The following AHRR variants were observed in gnomAD, a reference collection of about 807,000 sequenced individuals.
The protein encoded by AHRR is aryl hydrocarbon receptor repressor.
A neutral mutation model predicts 44.0 loss-of-function variants in AHRR; 28 were observed. The observed-to-expected ratio is 0.64, with a 90% CI of 0.47 to 0.87. The LOEUF is 0.87. AHRR is among the 40% of genes least tolerant of loss of function. AHRR has a pLI of 0.00. For missense variants in AHRR, 990 were observed against 953.9 expected (o/e 1.04, Z -0.50); for synonymous variants, 434 against 407.0 (o/e 1.07, Z -0.80).
chr5:433,723 G>A, intron 10 of AHRR, 130 bp from the exon 11 acceptor site: 2 of 1,099,440 alleles, frequency 1.8e-6, no homozygotes, highest in Non-Finnish European at 2.4e-6. Flanking sequence ...CGCAGTGAGG[G>A]GTCGGTGTAG....
At chr5:335,728 C>T (rs545984773) in intron 1 of AHRR, among the ~76,000 whole-genome samples, 1 of 152,340 alleles carries the variant, frequency 6.6e-6, no homozygotes, top group Non-Finnish European at 1.5e-5. Flanking sequence ...TGCCCCAATC[C>T]CCATGTGGCA....
At chr5:359,429 G>T (rs1271035851) in intron 3 of AHRR, among the ~76,000 whole-genome samples, 1 of 152,110 alleles carries the variant, frequency 6.6e-6, no homozygotes, top group Non-Finnish European at 1.5e-5. Flanking sequence ...CCCAGGCCTG[G>T]CATGTGGCTG....
intron 3 of AHRR, among the ~76,000 whole-genome samples, chr5:361,006 C>T (rs561252567): frequency 7.2e-5 from 11 of 152,318 alleles, no homozygotes; most frequent in Admixed American, 1.3e-4. Flanking sequence ...AATACCAGCA[C>T]TTTGGGAGGC....
intron 1 of AHRR, among the ~76,000 whole-genome samples, chr5:336,222 C>G (rs1014027245): frequency 6.6e-6 from 1 of 152,156 alleles, no homozygotes; most frequent in Non-Finnish European, 1.5e-5. Context: ...AAGTGGACTG[C>G]GGGAAGACCC....
At chr5:355,704 C>T (rs1743014799) in intron 3 of AHRR, among the ~76,000 whole-genome samples, 1 of 152,218 alleles carries the variant, frequency 6.6e-6, no homozygotes, top group Admixed American at 6.5e-5. Flanking sequence ...TGCTGCCTGC[C>T]CCAAGCCGGG....
At chr5:345,471 C>T (rs1447514853) in intron 2 of AHRR, among the ~76,000 whole-genome samples, 15 of 94,860 alleles carry the variant, frequency 1.6e-4, no homozygotes, top group African/African-American at 4.7e-4. Context: ...GGATGATGTC[C>T]CTGGCTGTGT....
intron 5 of AHRR, chr5:420,830 C>CACCCACGCAGCACGCACAG (rs1290353875): frequency 7.2e-6 from 2 of 277,536 alleles, no homozygotes; most frequent in Admixed American, 9.9e-5. Context: ...CGCAGCCACC[C>CACCCACGCAGCACGCACAG]ACCCACGCAG....
intron 4 of AHRR, among the ~76,000 whole-genome samples, chr5:386,507 G>C (rs544855670): frequency 5.3e-5 from 8 of 152,278 alleles, no homozygotes; most frequent in Non-Finnish European, 8.8e-5. Flanking sequence ...AGAAGGGTCA[G>C]AGTGATGCTG....
intron 7 of AHRR, chr5:427,486 G>A: frequency 1.1e-6 from 1 of 908,054 alleles, no homozygotes; most frequent in East Asian, 2.5e-5. Flanking sequence ...GGTCCCACAG[G>A]CGCAGTTCGT....
chr5:423,188 G>A (rs1008540543), intron 6 of AHRR, among the ~76,000 whole-genome samples: 62 of 152,240 alleles, frequency 4.1e-4, no homozygotes, highest in African/African-American at 1.4e-3. Context: ...CAAGTCTCAC[G>A]TCTGCCAGGA....
intron 4 of AHRR, among the ~76,000 whole-genome samples, chr5:378,829 C>G (rs956170721): frequency 6.6e-6 from 1 of 152,208 alleles, no homozygotes. Context: ...ACGGATGTGG[C>G]CTGTCTCGGG....
chr5:415,596 C>T (rs868399527), intron 5 of AHRR, among the ~76,000 whole-genome samples: 16 of 128,278 alleles, frequency 1.2e-4, no homozygotes, highest in African/African-American at 4.1e-4. Flanking sequence ...GCCTAGGGGC[C>T]GAATCTGCCT....
chr5:324,994 C>A (rs966401498), intron 1 of AHRR, among the ~76,000 whole-genome samples: 2 of 152,172 alleles, frequency 1.3e-5, no homozygotes, highest in Non-Finnish European at 2.9e-5. Context: ...CTGGAGACAC[C>A]TGGGAGAACG....
intron 4 of AHRR, among the ~76,000 whole-genome samples, chr5:397,610 C>CCACGTAGCTT (rs1734789420): frequency 9.9e-5 from 7 of 70,838 alleles, no homozygotes; most frequent in Non-Finnish European, 1.7e-4. Context: ...CCACGTAGCT[C>CCACGTAGCTT]CTGACCATCC....
intron 3 of AHRR, among the ~76,000 whole-genome samples, chr5:365,311 C>T (rs932970549): frequency 1.3e-5 from 2 of 152,032 alleles, no homozygotes; most frequent in Non-Finnish European, 2.9e-5. Context: ...TGAGGTGGGA[C>T]CTCAATGCAA....
intron 4 of AHRR, among the ~76,000 whole-genome samples, chr5:384,692 G>A (rs1262831157): frequency 1.3e-5 from 2 of 152,096 alleles, no homozygotes; most frequent in African/African-American, 4.8e-5. Context: ...AAAGTGCTGG[G>A]ATTACAGCCA....
intron 6 of AHRR, among the ~76,000 whole-genome samples, chr5:423,241 G>A (rs973927443): frequency 2.0e-5 from 3 of 152,190 alleles, no homozygotes; most frequent in African/African-American, 7.2e-5. Context: ...TCCAATAAAA[G>A]TCCCTGAAAG....
At chr5:346,346 A>G (rs1252500037) in intron 2 of AHRR, among the ~76,000 whole-genome samples, 2 of 152,188 alleles carry the variant, frequency 1.3e-5, no homozygotes, top group Non-Finnish European at 2.9e-5. Flanking sequence ...CACACTAGCT[A>G]TTCAAAACAC....
chr5:376,599 TTC>T lies in AHRR; in HGVS notation c.245-7_245-6del. On this transcript the variant is annotated splice_polypyrimidine_tract_variant and intron_variant, in intron 3 of 10. Transcript: ENST00000684583. ...TTGGGGGTGCCTAATGTGTCTTTTC[TTC>T]TCTGACAGTCGTGCAGGAGCAGAGC... 3 of 973,052 alleles carry T rather than the reference TTC, an allele frequency of 3.1e-6. No individual in the cohort carries two copies. The highest frequency in any genetic ancestry group is 3.7e-6 in the Non-Finnish European group (3 of 820,192). 60.3% of individuals were successfully genotyped at this position (973,052 alleles called of 1,614,324 possible).
Sources: gnomAD v4.1 joint callset for allele counts (sites outside exome capture counted in the v4.1 genomes callset) on GRCh38, gnomAD v4.1.1 for gene constraint, MANE v1.5 for transcripts, NCBI Gene and HGNC (gene_info 2026-07-23, HGNC 2026-07-21) for gene names.